The following NRXN2 variants were observed in gnomAD, a reference collection of about 807,000 sequenced individuals.
The protein encoded by NRXN2 is neurexin 2, also known as neurexin-2-beta.
A neutral mutation model predicts 128.8 loss-of-function variants in NRXN2; 29 were observed. The ratio of observed to expected loss-of-function variants is 0.23; its 90% CI spans 0.17 to 0.31. The LOEUF (loss-of-function observed/expected upper bound fraction) is 0.31. NRXN2 is among the 10% of genes least tolerant of loss of function. The pLI, the probability that NRXN2 is intolerant of heterozygous loss-of-function variation, is 1.00. For synonymous variants in NRXN2, 1,098 were observed against 1,075.2 expected (o/e 1.02, Z -0.41); for missense variants, 1,881 against 2,452.6 (o/e 0.77, Z 4.92).
At chr11:64,682,256 TGGGGACTCCATCATTG>T (rs2052414885) in intron 6 of NRXN2, among the ~76,000 whole-genome samples, 1 of 151,038 alleles carries the variant, frequency 6.6e-6, no homozygotes, top group Non-Finnish European at 1.5e-5. Flanking sequence ...ACTCCATCTC[TGGGGACTCCATCATTG>T]GGGGACTCCA....
At chr11:64,654,449 C>T (rs2047955722) in intron 11 of NRXN2, among the ~76,000 whole-genome samples, 1 of 152,206 alleles carries the variant, frequency 6.6e-6, no homozygotes, top group Admixed American at 6.5e-5. Flanking sequence ...CAGTGCAGCC[C>T]CCAAAATATG....
chr11:64,620,369 T>C lies in NRXN2; in HGVS notation c.4177A>G (p.Thr1393Ala). The C allele has an allele frequency of 1.3e-6, 2 of 1,552,696 alleles. No individual in the cohort carries two copies. The highest frequency in any genetic ancestry group is 1.7e-6 in the Non-Finnish European group (2 of 1,147,654). ...GCAGAGGCCACCAGCAGGTCATCTG[T>C]GTTCTGAGGGGCGAGAGAAGGGGTG... is the stretch of plus-strand genomic sequence containing the variant. ...PTLRDSTTQN[T>A]DDLLVASAEC... The change falls in exon 22 of 23, where the codon ACA becomes GCA. Residue 1393 changes from threonine (T) to alanine (A), a missense_variant. Around this residue, in one of 7 missense-constraint regions of NRXN2, gnomAD observed 108 missense variants for 165.2 expected, o/e 0.65. Coordinates refer to ENST00000265459, the MANE Select transcript of NRXN2 (RefSeq NM_015080.4).
At chr11:64,661,521 G>A in intron 9 of NRXN2, 1 of 567,170 alleles carries the variant, frequency 1.8e-6, no homozygotes, top group East Asian at 6.9e-5. Flanking sequence ...TCCTTAGACT[G>A]GGAACCGGAA....
chr11:64,629,550 A>G (rs2043566448), intron 19 of NRXN2, among the ~76,000 whole-genome samples: 2 of 151,826 alleles, frequency 1.3e-5, no homozygotes, highest in Admixed American at 6.6e-5. Context: ...TATCTTTCAG[A>G]GTCTCTGCCT....
chr11:64,696,155 C>T (rs777494531), intron 3 of NRXN2, among the ~76,000 whole-genome samples: 2 of 151,828 alleles, frequency 1.3e-5, no homozygotes, highest in Non-Finnish European at 2.9e-5. Context: ...CCCTTTGTTC[C>T]GGAGGAGACA....
At chr11:64,697,398 G>A (rs1298617415) in intron 3 of NRXN2, among the ~76,000 whole-genome samples, 2 of 152,150 alleles carry the variant, frequency 1.3e-5, no homozygotes, top group African/African-American at 2.4e-5. Flanking sequence ...CCCAGCATCT[G>A]GAAAATTGCC....
chr11:64,708,973 C>G (rs2666563), intron 2 of NRXN2, among the ~76,000 whole-genome samples: 3 of 151,914 alleles, frequency 2.0e-5, no homozygotes, highest in Non-Finnish European at 4.4e-5. Context: ...GGGCGGATCA[C>G]TTGAGGCCGG....
intron 12 of NRXN2, among the ~76,000 whole-genome samples, chr11:64,652,961 T>C (rs2047689535): frequency 7.1e-6 from 1 of 141,418 alleles, no homozygotes; most frequent in African/African-American, 2.5e-5. Flanking sequence ...GCACACAGCA[T>C]GCCACACACA....
intron 2 of NRXN2, chr11:64,712,660 C>T (rs1055956919): frequency 1.8e-6 from 1 of 561,448 alleles, no homozygotes; most frequent in African/African-American, 1.9e-5. Flanking sequence ...CCACCAAGCC[C>T]ACGGGGCTTC....
chr11:64,677,594 C>T (rs548623393), intron 6 of NRXN2, among the ~76,000 whole-genome samples: 4 of 152,130 alleles, frequency 2.6e-5, no homozygotes, highest in African/African-American at 4.8e-5. Context: ...GAGTCGGCAA[C>T]GGGGTTTTCC....
At chr11:64,699,884 C>A (rs1289372278) in intron 2 of NRXN2, among the ~76,000 whole-genome samples, 1 of 152,132 alleles carries the variant, frequency 6.6e-6, no homozygotes, top group Non-Finnish European at 1.5e-5. Flanking sequence ...AGCACCTGTG[C>A]AAATAAGGAG....
At chr11:64,687,499 C>T (rs1440718178) in intron 5 of NRXN2, among the ~76,000 whole-genome samples, 3 of 152,204 alleles carry the variant, frequency 2.0e-5, no homozygotes, top group Non-Finnish European at 4.4e-5. Context: ...TTTCCTGAGG[C>T]CACAGGGCAG....
chr11:64,663,238 G>A (rs1591925726), intron 9 of NRXN2, among the ~76,000 whole-genome samples: 1 of 152,032 alleles, frequency 6.6e-6, no homozygotes, highest in East Asian at 1.9e-4. Flanking sequence ...GGCATGGTGG[G>A]CATCTGCAAT....
intron 17 of NRXN2, among the ~76,000 whole-genome samples, chr11:64,638,007 AC>A (rs1157257853): frequency 6.6e-6 from 1 of 152,010 alleles, no homozygotes; most frequent in Non-Finnish European, 1.5e-5. Flanking sequence ...GCACACAAAG[AC>A]CCAGCGTAGA....
chr11:64,702,314 T>C (rs1157811338), intron 2 of NRXN2, among the ~76,000 whole-genome samples: 5 of 152,176 alleles, frequency 3.3e-5, no homozygotes, highest in African/African-American at 9.6e-5. Context: ...CAACAGCTCA[T>C]TGAGAACGGG....
rs911740138 is a variant in NRXN2 at position 64,631,290 on chromosome 11, C to T, written c.3586-717G>A. Among the ~76,000 whole-genome samples the T allele has an allele frequency of 1.7e-4, 6 of 35,876 alleles. No individual in the cohort carries two copies. Among genetic ancestry groups the T allele is most frequent in the Non-Finnish European group, 2.7e-4 (5 of 18,286 alleles). 23.5% of individuals were successfully genotyped at this position (35,876 alleles called of 152,430 possible). A position where few individuals can be genotyped will look rare whatever the true frequency, so the allele number is the denominator to read the frequency against. On this transcript the variant is annotated intron_variant, in intron 18 of 22. Transcript: ENST00000265459. The surrounding 1 kb of genome is among the most constrained non-coding windows in gnomAD (Gnocchi z 4.8). The stretch of plus-strand genomic sequence containing the variant: ...CCAAGAAAGGGGATCGTGGGGGTTT[C>T]GGGGTAGGGGGTGGAGCTAGGGGCT...
At chr11:64,685,154 T>C (rs896864110) in intron 6 of NRXN2, among the ~76,000 whole-genome samples, 1 of 152,064 alleles carries the variant, frequency 6.6e-6, no homozygotes, top group African/African-American at 2.4e-5. Context: ...CCCGCACACA[T>C]TAACTCAGGC....
In NRXN2 at chr11:64,714,075, C is replaced by T. The variant is rs541651391; in HGVS notation, c.-244-132G>A. The stretch of plus-strand genomic sequence containing the variant: ...GTTTCCCTGCAGAACTTAGAGAGGC[C>T]CTGACCTGCAGAGGGTCCCGAGGCA... On this transcript the variant is annotated intron_variant, in intron 1 of 22. Transcript: ENST00000265459. This position sits in a 1 kb window ranked among gnomAD's most constrained non-coding sequence, Gnocchi z 4.5. The T allele has an allele frequency of 2.6e-5, 4 of 152,720 alleles. No homozygotes were observed. The East Asian group carries it at 7.7e-4, about 29-fold the overall frequency. The allele number at this position is 152,720 out of a possible 1,614,324, so 9.5% of individuals were successfully genotyped here.
chr11:64,639,532 C>T (rs1393928590), intron 17 of NRXN2, among the ~76,000 whole-genome samples: 1 of 152,100 alleles, frequency 6.6e-6, no homozygotes, highest in Non-Finnish European at 1.5e-5. Flanking sequence ...GACTCTGAAA[C>T]CAGAATTGGG....
Sources: gnomAD v4.1 joint callset for allele counts (sites outside exome capture counted in the v4.1 genomes callset) on GRCh38, gnomAD v4.1.1 for gene constraint, gnomAD v4.1.1 regional missense constraint, Gnocchi (gnomAD v3.1) non-coding constraint, MANE v1.5 for transcripts, NCBI Gene and HGNC (gene_info 2026-07-23, HGNC 2026-07-21) for gene names.